Variants in ATP9A observed in about 807,000 individuals in gnomAD.
The protein encoded by ATP9A is ATPase phospholipid transporting 9A, also known as probable phospholipid-transporting ATPase IIA.
ATP9A carries 52 observed loss-of-function variants against 144.1 expected under a neutral mutation model. The ratio of observed to expected loss-of-function variants is 0.36; its 90% CI spans 0.29 to 0.45. The LOEUF (loss-of-function observed/expected upper bound fraction) is 0.45. ATP9A is among the 20% of genes least tolerant of loss of function. The probability of loss-of-function intolerance (pLI) is 1.00; values close to 1 mark genes in which losing one functional copy is unlikely to be tolerated. For synonymous variants in ATP9A, 582 were observed against 557.4 expected (o/e 1.04, Z -0.62); for missense variants, 947 against 1,392.7 (o/e 0.68, Z 5.09).
At chr20:51,699,270 T>C (rs1021984232) in intron 4 of ATP9A, among the ~76,000 whole-genome samples, 1 of 145,126 alleles carries the variant, frequency 6.9e-6, no homozygotes, top group African/African-American at 2.6e-5. Flanking sequence ...GAGGTGGAGG[T>C]TGCAGTGAGC....
chr20:51,620,864 T>C (rs1474256640), intron 19 of ATP9A, among the ~76,000 whole-genome samples: 2 of 152,084 alleles, frequency 1.3e-5, no homozygotes, highest in African/African-American at 2.4e-5. Flanking sequence ...TAAGCCACTC[T>C]AGGCCAGGCG....
chr20:51,759,676 AAATAAT>A (rs1164713106), intron 1 of ATP9A, among the ~76,000 whole-genome samples: 5 of 152,008 alleles, frequency 3.3e-5, no homozygotes, highest in Admixed American at 6.6e-5. Context: ...TCTGTCACAA[AAATAAT>A]AATAATAATA....
intron 12 of ATP9A, 110 bp downstream of exon 12, chr20:51,671,002 TAGC>T (rs1170408689): frequency 8.5e-6 from 10 of 1,171,928 alleles, no homozygotes; most frequent in East Asian, 7.2e-5. Context: ...GGGAATAAAA[TAGC>T]AGCAACACGC....
intron 14 of ATP9A, among the ~76,000 whole-genome samples, chr20:51,650,579 G>C (rs1167015280): frequency 6.6e-6 from 1 of 151,844 alleles, no homozygotes; most frequent in African/African-American, 2.4e-5. Flanking sequence ...TTTTAATGAA[G>C]CGTGAGGGTA....
At chr20:51,768,235 A>C (rs2077914280) in intron 1 of ATP9A, 67 bp downstream of exon 1, 1 of 1,077,208 alleles carries the variant, frequency 9.3e-7, no homozygotes, top group African/African-American at 1.7e-5. Context: ...AGGCCCGGCC[A>C]GGCTGGCCCG....
intron 1 of ATP9A, among the ~76,000 whole-genome samples, chr20:51,758,437 G>A (rs2077865369): frequency 6.6e-6 from 1 of 152,128 alleles, no homozygotes; most frequent in African/African-American, 2.4e-5. Flanking sequence ...ATTTCCATCT[G>A]GGTAAAGACA....
At chr20:51,674,034 G>A in intron 11 of ATP9A, 119 bp downstream of exon 11, 10 of 1,280,530 alleles carry the variant, frequency 7.8e-6, no homozygotes, top group Non-Finnish European at 1.1e-5. Flanking sequence ...TGGGCAACAA[G>A]AGCAAAACTC....
intron 15 of ATP9A, among the ~76,000 whole-genome samples, chr20:51,632,659 A>T (rs1003999700): frequency 6.6e-6 from 1 of 152,168 alleles, no homozygotes; most frequent in Non-Finnish European, 1.5e-5. Context: ...GAGTGTGGTG[A>T]GGTTTGTGCC....
chr20:51,647,356 C>T (rs907443414), intron 14 of ATP9A, among the ~76,000 whole-genome samples: 15 of 152,048 alleles, frequency 9.9e-5, no homozygotes, highest in African/African-American at 1.7e-4. Context: ...CAAGACCAGC[C>T]TAGCCAACAT....
At position 51,628,113 on chromosome 20, in the gene ATP9A, C is replaced by T. The variant is rs142059048; in HGVS notation, c.1762-430G>A. Reference sequence around the variant, plus strand: ...GTGTCAAGTGAAGAACACTCCAGCACGTTTTACACGCAAAGTGCAACTCTG... The same window carrying T: ...GTGTCAAGTGAAGAACACTCCAGCATGTTTTACACGCAAAGTGCAACTCTG... On this transcript the variant is annotated intron_variant, in intron 16 of 27. Coordinates refer to ENST00000338821, the MANE Select transcript of ATP9A (RefSeq NM_006045.3). Among the ~76,000 whole-genome samples, 242 of 152,312 alleles carry T rather than the reference C, an allele frequency of 1.6e-3. 2 individuals carry two copies. The highest frequency in any genetic ancestry group is 5.7e-3 in the African/African-American group (236 of 41,568).
intron 1 of ATP9A, among the ~76,000 whole-genome samples, chr20:51,764,359 G>A (rs769744863): frequency 2.3e-4 from 35 of 152,362 alleles, no homozygotes; most frequent in Non-Finnish European, 3.7e-4. Context: ...ATGGTTTCCA[G>A]CAATGGAGGT....
chr20:51,668,591 G>C (rs1346300172), intron 13 of ATP9A, among the ~76,000 whole-genome samples: 1 of 152,068 alleles, frequency 6.6e-6, no homozygotes, highest in African/African-American at 2.4e-5. Context: ...CGGTCAAAGA[G>C]ACAGAAAGGA....
intron 15 of ATP9A, among the ~76,000 whole-genome samples, chr20:51,629,507 G>A (rs551344020): frequency 6.6e-6 from 1 of 152,246 alleles, no homozygotes; most frequent in Admixed American, 6.5e-5. Flanking sequence ...TTGCTCTGCA[G>A]GGCCCCTCCT....
In ATP9A at chr20:51,690,831, A is replaced by G. The variant is rs2122818354; in HGVS notation, c.643-12T>C. The stretch of plus-strand genomic sequence containing the variant: ...ATCTGAAGAAGGTCCTGTTCAACAG[A>G]AGGCACATTCGGGAGTCAAAGTCAG... On this transcript the variant is annotated splice_polypyrimidine_tract_variant and intron_variant, in intron 7 of 27. Coordinates refer to ENST00000338821, the MANE Select transcript of ATP9A (RefSeq NM_006045.3). 1 of 1,613,090 alleles carries G rather than the reference A, an allele frequency of 6.2e-7. No individual in the cohort carries two copies. Among genetic ancestry groups the G allele is most frequent in the African/African-American group, 1.3e-5 (1 of 75,024 alleles).
chr20:51,716,020 G>A (rs2077660323), intron 3 of ATP9A, among the ~76,000 whole-genome samples: 1 of 151,996 alleles, frequency 6.6e-6, no homozygotes, highest in Admixed American at 6.6e-5. Flanking sequence ...AGTTGCCTGG[G>A]GTGGTGGGGG....
At chr20:51,717,877 C>A (rs1027997277) in intron 3 of ATP9A, among the ~76,000 whole-genome samples, 1 of 151,852 alleles carries the variant, frequency 6.6e-6, no homozygotes, top group Non-Finnish European at 1.5e-5. Flanking sequence ...TCACTTGAAC[C>A]CGGGAGGTGG....
intron 1 of ATP9A, 99 bp downstream of exon 1, chr20:51,768,203 C>T (rs1457308422): frequency 4.3e-6 from 3 of 705,292 alleles, no homozygotes; most frequent in Middle Eastern, 5.4e-4. Context: ...TGGCGCCGGG[C>T]GCGGCGCGCG....
chr20:51,625,090 T>C, intron 18 of ATP9A, 102 bp downstream of exon 18: 2 of 1,173,206 alleles, frequency 1.7e-6, no homozygotes, highest in Non-Finnish European at 2.4e-6. Flanking sequence ...CCTGGTGTCC[T>C]CTGCTGCTCC....
intron 13 of ATP9A, among the ~76,000 whole-genome samples, chr20:51,667,591 G>A (rs2077438089): frequency 6.6e-6 from 1 of 152,162 alleles, no homozygotes; most frequent in African/African-American, 2.4e-5. Context: ...GAAGACCAAG[G>A]CTAGATCCCA....
Sources: gnomAD v4.1 joint callset for allele counts (sites outside exome capture counted in the v4.1 genomes callset) on GRCh38, gnomAD v4.1.1 for gene constraint, MANE v1.5 for transcripts, NCBI Gene and HGNC (gene_info 2026-07-23, HGNC 2026-07-21) for gene names.